CCDC15: variants seen among roughly 807,000 people sequenced by gnomAD.
CCDC15 encodes coiled-coil domain containing 15.
Under a neutral mutation model 114.5 loss-of-function variants are expected in CCDC15, and 105 were observed. The observed-to-expected ratio is 0.92, with a 90% CI of 0.78 to 1.08. CCDC15 has a LOEUF of 1.08. Among genes scored for constraint, CCDC15 ranks in the 50% least tolerant of loss-of-function variants. The probability of loss-of-function intolerance (pLI) is 0.00; values close to 1 mark genes in which losing one functional copy is unlikely to be tolerated. For synonymous variants in CCDC15, 334 were observed against 377.8 expected, an observed-to-expected ratio of 0.88 and a Z score of 1.34; for missense variants, 1,105 against 1,093.6, an observed-to-expected ratio of 1.01 and a Z score of -0.15.
chr11:125,004,792 T>C (rs1948533027), intron 12 of CCDC15, among the ~76,000 whole-genome samples: 1 of 152,094 alleles, frequency 6.6e-6, no homozygotes, highest in Non-Finnish European at 1.5e-5. Context: ...ATCTTCTACA[T>C]TCTTTCTGTG....
chr11:124,960,063 A>T, intron 4 of CCDC15, 60 bp downstream of exon 4: 1 of 1,315,808 alleles, frequency 7.6e-7, no homozygotes, highest in Non-Finnish European at 1.0e-6. Flanking sequence ...CTAAACTATA[A>T]ATATGACATC....
At chr11:125,035,671 T>C (rs113051694) in intron 13 of CCDC15, among the ~76,000 whole-genome samples, 11,371 of 152,248 alleles carry the variant, frequency 0.075, 704 homozygotes, top group Admixed American at 0.18. Context: ...TTCCTGTCTT[T>C]TAGTGAAGGT....
intron 2 of CCDC15, among the ~76,000 whole-genome samples, chr11:124,956,405 C>T (rs1452364738): frequency 6.6e-6 from 1 of 151,842 alleles, no homozygotes; most frequent in African/African-American, 2.4e-5. Flanking sequence ...CATACTACTG[C>T]ACTCTAGCCT....
chr11:124,999,494 T>C (rs995800197), intron 11 of CCDC15, among the ~76,000 whole-genome samples: 7 of 152,126 alleles, frequency 4.6e-5, no homozygotes, highest in Non-Finnish European at 5.9e-5. Flanking sequence ...TTCTTCACAG[T>C]GGATCATTTA....
intron 13 of CCDC15, among the ~76,000 whole-genome samples, chr11:125,024,664 A>G (rs150028640): frequency 2.6e-4 from 39 of 152,138 alleles, no homozygotes; most frequent in African/African-American, 9.4e-4. Context: ...GTTCCCTGCA[A>G]CCTTGCTACG....
intron 4 of CCDC15, among the ~76,000 whole-genome samples, chr11:124,967,169 T>C (rs1249831303): frequency 2.0e-5 from 3 of 152,164 alleles, no homozygotes; most frequent in African/African-American, 7.2e-5. Context: ...TTTCCTGAAT[T>C]TAAAGGTTGA....
intron 2 of CCDC15, 33 bp downstream of exon 2, chr11:124,954,942 T>A: frequency 2.5e-6 from 4 of 1,587,344 alleles, no homozygotes; most frequent in Non-Finnish European, 3.5e-6. Context: ...TATGGTGGGG[T>A]TCCCCACCAC....
intron 6 of CCDC15, among the ~76,000 whole-genome samples, chr11:124,979,776 T>A (rs1948036623): frequency 6.6e-6 from 1 of 152,210 alleles, no homozygotes; most frequent in Non-Finnish European, 1.5e-5. Context: ...TCTTGCCTGA[T>A]TGCTCTGGCT....
chr11:125,005,198 G>T lies in CCDC15; in HGVS notation c.2397G>T (p.Lys799Asn), dbSNP rs764907206. The T allele has an allele frequency of 1.3e-6, 2 of 1,486,758 alleles. No individual in the cohort carries two copies. The highest frequency in any genetic ancestry group is 1.4e-5 in the African/African-American group (1 of 71,720). The allele number at this position is 1,486,758 out of a possible 1,614,324, so 92.1% of individuals were successfully genotyped here. A position where few individuals can be genotyped will look rare whatever the true frequency, so the allele number is the denominator to read the frequency against. Residue 799 changes from lysine (K) to asparagine (N), a missense_variant, in exon 13 of 16, where the codon AAG (lysine) becomes AAT (asparagine). Transcript: ENST00000344762. ...VKEQQRQKEQ[K>N]KKIEKIKKKR... is the part of the protein sequence containing the mutation. Reference sequence around the variant, plus strand: ...AACAACAAAGGCAAAAAGAACAAAAGAAGAAAATTGAAAAGTAAGTTATTC... The same window carrying T: ...AACAACAAAGGCAAAAAGAACAAAATAAGAAAATTGAAAAGTAAGTTATTC...
At chr11:124,973,572 T>A (rs1161880153) in intron 4 of CCDC15, among the ~76,000 whole-genome samples, 1 of 152,068 alleles carries the variant, frequency 6.6e-6, no homozygotes, top group Non-Finnish European at 1.5e-5. Context: ...AAATCTGGGC[T>A]GGTAGAGTAG....
rs952540253 is a variant in CCDC15 at position 124,959,043 on chromosome 11, T to C, written c.178-72T>C. ...GGATTGTATCCTTATCCTGACTGTT[T>C]TGTGTTTAAAACAGCCCTAATGGAC... On this transcript the variant is annotated intron_variant, in intron 2 of 15. Coordinates refer to ENST00000344762, the MANE Select transcript of CCDC15 (RefSeq NM_025004.3). The C allele has an allele frequency of 2.1e-5, 21 of 1,015,046 alleles. No homozygotes were observed. The African/African-American group carries it at 3.2e-4, about 15-fold the overall frequency. 62.9% of individuals were successfully genotyped at this position (1,015,046 alleles called of 1,614,324 possible).
At chr11:124,998,645 A>G (rs946675887) in intron 11 of CCDC15, among the ~76,000 whole-genome samples, 1 of 151,834 alleles carries the variant, frequency 6.6e-6, no homozygotes, top group Non-Finnish European at 1.5e-5. Context: ...TATAATTGTC[A>G]TAGGTGTTCC....
intron 12 of CCDC15, 116 bp from the exon 13 acceptor site, chr11:125,004,993 A>G (rs956260043): frequency 9.5e-5 from 51 of 535,796 alleles, no homozygotes; most frequent in African/African-American, 9.5e-4. Context: ...TGTAACTTCT[A>G]TATCATCTGT....
chr11:124,982,825 G>C (rs1414064172), intron 6 of CCDC15, among the ~76,000 whole-genome samples: 1 of 152,140 alleles, frequency 6.6e-6, no homozygotes, highest in Admixed American at 6.5e-5. Flanking sequence ...TCCTGAATTT[G>C]AATGTTGGCC....
intron 13 of CCDC15, among the ~76,000 whole-genome samples, chr11:125,021,909 T>A (rs1335430614): frequency 1.3e-5 from 2 of 151,928 alleles, no homozygotes; most frequent in Admixed American, 6.6e-5. Context: ...ATTGAAAACT[T>A]CAATTTGATT....
In CCDC15 at chr11:125,038,530, G is replaced by A. The variant is rs200817278; in HGVS notation, c.2511G>A (p.Glu837=). ...CATATTCAGGAGAGAAGTTGAGTGA[G>A]ATATTAGCCCAGTTACAACTTCAAG... is the stretch of plus-strand genomic sequence containing the variant. ...EDPYSGEKLS[E]ILAQLQLQEI... The change falls in exon 14 of 16, where the codon GAG becomes GAA. Residue 837 remains glutamate, a synonymous_variant. Coordinates refer to ENST00000344762, the MANE Select transcript of CCDC15 (RefSeq NM_025004.3). 63 of 1,588,418 alleles carry A rather than the reference G, an allele frequency of 4.0e-5. No individual in the cohort carries two copies. The African/African-American group carries it at 7.9e-4, about 20-fold the overall frequency.
chr11:124,959,671 G>A lies in CCDC15; in HGVS notation c.328-144G>A. The A allele has an allele frequency of 5.1e-6, 3 of 588,806 alleles. No individual in the cohort carries two copies. The East Asian group carries it at 8.8e-5, about 17-fold the overall frequency. The allele number at this position is 588,806 out of a possible 1,614,324, so 36.5% of individuals were successfully genotyped here. A position where few individuals can be genotyped will look rare whatever the true frequency, so the allele number is the denominator to read the frequency against. On this transcript the variant is annotated intron_variant, in intron 3 of 15. Transcript: ENST00000344762. ...AATTATTAGCACATGGGAGGTGCCT[G>A]GTAAATGTTAGTTTCTCTGCCAGCT...
At chr11:124,988,530 T>C (rs1425263915) in intron 8 of CCDC15, among the ~76,000 whole-genome samples, 5 of 152,182 alleles carry the variant, frequency 3.3e-5, no homozygotes, top group African/African-American at 1.2e-4. Context: ...ATGTTTGGGG[T>C]GGCTGTGGAA....
intron 11 of CCDC15, among the ~76,000 whole-genome samples, chr11:124,996,220 G>T (rs1223466564): frequency 6.6e-6 from 1 of 152,020 alleles, no homozygotes; most frequent in African/African-American, 2.4e-5. Flanking sequence ...CATACTTAGG[G>T]TTCCCAGGGC....
Sources: allele counts gnomAD v4.1 joint callset (sites outside exome capture counted in the v4.1 genomes callset), GRCh38; gene constraint gnomAD v4.1.1; transcripts MANE v1.5; gene names NCBI Gene and HGNC (gene_info 2026-07-23, HGNC 2026-07-21).